Variants in DPP10 observed in about 807,000 individuals in gnomAD.
DPP10 encodes inactive dipeptidyl peptidase 10.
Under a neutral mutation model 120.9 loss-of-function variants are expected in DPP10, and 33 were observed. The observed-to-expected ratio is 0.27, with a 90% CI of 0.21 to 0.37. The LOEUF (loss-of-function observed/expected upper bound fraction) is 0.37, where lower values mean the gene tolerates loss of function less well. Among genes scored for constraint, DPP10 ranks in the 10% least tolerant of loss-of-function variants. DPP10 has a pLI of 1.00. For missense variants in DPP10, 816 were observed against 942.8 expected, an observed-to-expected ratio of 0.87 and a Z score of 1.76; for synonymous variants, 337 against 326.1, an observed-to-expected ratio of 1.03 and a Z score of -0.36.
At chr2:115,368,766 ATTTAATTTTAATTGAAATTAAT>A (rs1024501643) in intron 3 of DPP10, among the ~76,000 whole-genome samples, 2 of 151,026 alleles carry the variant, frequency 1.3e-5, no homozygotes, top group Non-Finnish European at 3.0e-5. Context: ...CCTTTTTTAA[ATTTAATTTTAATTGAAATTAAT>A]TTTAATTTTA....
chr2:115,392,410 T>G (rs928019440), intron 3 of DPP10, among the ~76,000 whole-genome samples: 12 of 152,202 alleles, frequency 7.9e-5, no homozygotes, highest in African/African-American at 2.9e-4. Flanking sequence ...TAACATAAAT[T>G]GTTGAACTGC....
intron 1 of DPP10, among the ~76,000 whole-genome samples, chr2:115,013,073 G>A (rs544093391): frequency 8.5e-5 from 13 of 152,196 alleles, no homozygotes; most frequent in African/African-American, 2.2e-4. Context: ...ATTAGTTGAC[G>A]CAGTTTCTTC....
chr2:114,550,933 T>C (rs1193479847), intron 1 of DPP10, among the ~76,000 whole-genome samples: 1 of 152,210 alleles, frequency 6.6e-6, no homozygotes, highest in African/African-American at 2.4e-5. Context: ...GAGATGCTTT[T>C]TATAATAGAG....
At chr2:115,431,379 T>A (rs944430532) in intron 3 of DPP10, among the ~76,000 whole-genome samples, 19 of 152,216 alleles carry the variant, frequency 1.2e-4, no homozygotes, top group African/African-American at 4.6e-4. Flanking sequence ...TGGGGTAAGA[T>A]AACCATATCA....
intron 3 of DPP10, among the ~76,000 whole-genome samples, chr2:115,484,442 G>C (rs1433169666): frequency 6.6e-6 from 1 of 152,030 alleles, no homozygotes; most frequent in Non-Finnish European, 1.5e-5. Context: ...TGTGATTTAG[G>C]TTTGTGCCTA....
chr2:115,595,386 A>G (rs2149192992), intron 5 of DPP10, among the ~76,000 whole-genome samples: 1 of 152,230 alleles, frequency 6.6e-6, no homozygotes, highest in East Asian at 1.9e-4. Flanking sequence ...ATTTCAATGA[A>G]ATCTTATGAA....
At chr2:115,126,808 C>A (rs1393587908) in intron 1 of DPP10, among the ~76,000 whole-genome samples, 1 of 152,156 alleles carries the variant, frequency 6.6e-6, no homozygotes, top group Non-Finnish European at 1.5e-5. Flanking sequence ...TTTGTTCCCA[C>A]TGCTACAGAA....
intron 1 of DPP10, among the ~76,000 whole-genome samples, chr2:115,294,047 C>G (rs936207160): frequency 6.6e-6 from 1 of 152,084 alleles, no homozygotes. Flanking sequence ...TCATTCCTAC[C>G]TGATTCAATG....
At chr2:114,720,370 T>C (rs1701625741) in intron 1 of DPP10, among the ~76,000 whole-genome samples, 1 of 152,190 alleles carries the variant, frequency 6.6e-6, no homozygotes, top group African/African-American at 2.4e-5. Flanking sequence ...AAACAAGAGC[T>C]AGTAGTGACA....
intron 1 of DPP10, among the ~76,000 whole-genome samples, chr2:114,457,203 C>T (rs2104555024): frequency 6.6e-6 from 1 of 152,250 alleles, no homozygotes; most frequent in Middle Eastern, 3.4e-3. Context: ...AAACTATATC[C>T]ATTTGGTTTC....
chr2:115,763,937 A>C (rs1680408037), intron 12 of DPP10, among the ~76,000 whole-genome samples: 1 of 152,150 alleles, frequency 6.6e-6, no homozygotes, highest in Admixed American at 6.6e-5. Flanking sequence ...GGACTTCATA[A>C]GTGCCCTTCC....
chr2:115,424,080 C>A (rs1013317479), intron 3 of DPP10, among the ~76,000 whole-genome samples: 2 of 152,034 alleles, frequency 1.3e-5, no homozygotes, highest in Non-Finnish European at 2.9e-5. Context: ...TATAACTTTC[C>A]TCCAACCTGG....
At chr2:115,223,595 G>C (rs986304137) in intron 1 of DPP10, among the ~76,000 whole-genome samples, 6 of 152,068 alleles carry the variant, frequency 3.9e-5, no homozygotes, top group African/African-American at 1.4e-4. Context: ...TCAGCTGAAA[G>C]TAAAGAAAAT....
intron 1 of DPP10, among the ~76,000 whole-genome samples, chr2:114,839,367 C>A (rs1243888991): frequency 6.6e-6 from 1 of 152,098 alleles, no homozygotes; most frequent in Non-Finnish European, 1.5e-5. Flanking sequence ...TTTCATTCAG[C>A]TAAACACATA....
At chr2:115,812,883 G>A (rs1296744922) in intron 19 of DPP10, among the ~76,000 whole-genome samples, 1 of 150,566 alleles carries the variant, frequency 6.6e-6, no homozygotes, top group Non-Finnish European at 1.5e-5. Context: ...TGACATAATG[G>A]ATCTTAAGTG....
intron 1 of DPP10, among the ~76,000 whole-genome samples, chr2:114,738,328 G>A (rs1171477478): frequency 2.0e-5 from 3 of 152,312 alleles, no homozygotes; most frequent in South Asian, 2.1e-4. Context: ...CCTTTCTCGG[G>A]CATGAGCAGG....
At chr2:115,250,636 T>C (rs2058714693) in intron 1 of DPP10, among the ~76,000 whole-genome samples, 1 of 152,180 alleles carries the variant, frequency 6.6e-6, no homozygotes, top group Admixed American at 6.5e-5. Flanking sequence ...AAAAATAATA[T>C]TGCCAAGTAT....
At chr2:115,332,957 C>T (rs532180435) in intron 2 of DPP10, among the ~76,000 whole-genome samples, 28 of 151,880 alleles carry the variant, frequency 1.8e-4, no homozygotes, top group African/African-American at 5.3e-4. Context: ...TGCAGTGCTG[C>T]GTTCAATTCC....
intron 9 of DPP10, among the ~76,000 whole-genome samples, chr2:115,741,417 T>C (rs1677256028): frequency 6.6e-6 from 1 of 151,630 alleles, no homozygotes; most frequent in Non-Finnish European, 1.5e-5. Flanking sequence ...TCTCCAATTA[T>C]AGATTTAGCT....
Sources: allele counts gnomAD v4.1 joint callset (sites outside exome capture counted in the v4.1 genomes callset), GRCh38; gene constraint gnomAD v4.1.1; transcripts MANE v1.5; gene names NCBI Gene and HGNC (gene_info 2026-07-23, HGNC 2026-07-21).